Variants in SYTL4 observed in about 807,000 individuals in gnomAD.
SYTL4 encodes synaptotagmin like 4.
A neutral mutation model predicts 52.7 loss-of-function variants in SYTL4; 16 were observed. The ratio of observed to expected loss-of-function variants is 0.30; its 90% confidence interval spans 0.21 to 0.46. The LOEUF (loss-of-function observed/expected upper bound fraction) is 0.46. Ranked by LOEUF, SYTL4 falls within the 20% of genes least tolerant of loss-of-function variation. SYTL4 has a pLI of 1.00. For synonymous variants in SYTL4, 160 were observed against 186.6 expected (o/e 0.86, Z 1.16); for missense variants, 423 against 519.9 (o/e 0.81, Z 1.81).
chrX:100,675,119 G>A lies in SYTL4; in HGVS notation c.*909C>T, dbSNP rs778994011. ...AGACGCAAACACTAAGACAGATGTG[G>A]TACATGAGGATGAATATATCTCATC... On this transcript the variant is annotated 3_prime_UTR_variant, in exon 20 of 20. Transcript: ENST00000372989. The A allele has an allele frequency of 3.6e-5, 4 of 112,201 alleles. No individual in the cohort carries two copies. The East Asian group carries it at 1.1e-3, about 31-fold the overall frequency. 9.2% of individuals were successfully genotyped at this position (112,201 alleles called of 1,213,427 possible).
intron 19 of SYTL4, among the ~76,000 whole-genome samples, chrX:100,677,313 A>G (rs2083295103): frequency 8.9e-6 from 1 of 111,920 alleles, no homozygotes; most frequent in South Asian, 3.8e-4. Flanking sequence ...AGAGTGATAC[A>G]AGACGGATCA....
At position 100,675,937 on chromosome X, in the gene SYTL4, T is replaced by G; in HGVS notation, c.*91A>C. On this transcript the variant is annotated 3_prime_UTR_variant, in exon 20 of 20. Coordinates refer to ENST00000372989, the MANE Select transcript of SYTL4 (RefSeq NM_001370165.1). ...ACACACACATACACACATACACACA[T>G]ACACATTAAATTATAAATCTTTGCT... The G allele has an allele frequency of 3.4e-6, 3 of 874,094 alleles. No homozygotes were observed. The highest frequency in any genetic ancestry group is 4.7e-6 in the Non-Finnish European group (3 of 634,201). The allele number at this position is 874,094 out of a possible 1,213,427, so 72.0% of individuals were successfully genotyped here.
At chrX:100,728,511 A>G (rs2084568382) in intron 2 of SYTL4, among the ~76,000 whole-genome samples, 2 of 111,612 alleles carry the variant, frequency 1.8e-5, no homozygotes, top group South Asian at 3.8e-4. Context: ...ACTTGAAACC[A>G]GAAGCCTAAT....
intron 2 of SYTL4, among the ~76,000 whole-genome samples, chrX:100,730,092 A>T (rs2084610079): frequency 9.0e-6 from 1 of 110,812 alleles, no homozygotes; most frequent in Admixed American, 9.6e-5. Context: ...CAGGAGAGGA[A>T]GAAGTTGAGT....
chrX:100,700,231 A>G (rs2083819263), intron 8 of SYTL4, among the ~76,000 whole-genome samples: 1 of 111,968 alleles, frequency 8.9e-6, no homozygotes, highest in South Asian at 3.7e-4. Context: ...TGTGAATTAT[A>G]TATATCTCAA....
chrX:100,722,662 C>CTAAATAAA (rs57321237), intron 2 of SYTL4, among the ~76,000 whole-genome samples: 1,728 of 109,818 alleles, frequency 0.016, 18 homozygotes, highest in African/African-American at 0.027. Flanking sequence ...CAAGTCCTTC[C>CTAAATAAA]TAAATAAATA....
chrX:100,676,540 A>G (rs1422764300), intron 19 of SYTL4, among the ~76,000 whole-genome samples: 1 of 111,975 alleles, frequency 8.9e-6, no homozygotes, highest in East Asian at 2.8e-4. Context: ...GCTGGAGTGC[A>G]GTGGCACAAT....
At chrX:100,715,344 G>A (rs888582881) in intron 2 of SYTL4, among the ~76,000 whole-genome samples, 4 of 111,816 alleles carry the variant, frequency 3.6e-5, no homozygotes, top group Non-Finnish European at 3.8e-5. Context: ...TATAATATAT[G>A]ACCAATACAG....
At chrX:100,678,123 T>C (rs2083311530) in intron 19 of SYTL4, among the ~76,000 whole-genome samples, 1 of 110,687 alleles carries the variant, frequency 9.0e-6, no homozygotes, top group Admixed American at 9.6e-5. Flanking sequence ...TACATATAGG[T>C]AGGTTTGTAG....
intron 8 of SYTL4, among the ~76,000 whole-genome samples, chrX:100,698,910 A>C (rs942166507): frequency 8.9e-6 from 1 of 112,431 alleles, no homozygotes; most frequent in East Asian, 2.8e-4. Context: ...CAAAGGAAAA[A>C]TAATTTGAGT....
At chrX:100,677,694 T>C (rs2083303210) in intron 19 of SYTL4, among the ~76,000 whole-genome samples, 1 of 111,262 alleles carries the variant, frequency 9.0e-6, no homozygotes, top group Admixed American at 9.6e-5. Flanking sequence ...AAGTTCAGCG[T>C]TTCAAGCGAA....
intron 18 of SYTL4, 27 bp from the exon 19 acceptor site, chrX:100,678,626 A>C (rs1029854710): frequency 1.7e-5 from 20 of 1,145,539 alleles, no homozygotes; most frequent in Non-Finnish European, 2.2e-5. Context: ...AGTAATCAAC[A>C]GCCTACTCAA....
At chrX:100,686,948 C>T (rs766477288) in intron 14 of SYTL4, 119 bp downstream of exon 14, 11 of 920,332 alleles carry the variant, frequency 1.2e-5, no homozygotes, top group Admixed American at 3.0e-5. Flanking sequence ...TGGTTCTTTT[C>T]CTACATTACA....
rs199992119 is a variant in SYTL4 at position 100,689,880 on chromosome X, G to A, written c.888C>T (p.Ser296=). 3.9e-5 allele frequency: 47 copies of A among 1,204,124 alleles called. No individual in the cohort carries two copies. Among genetic ancestry groups the A allele is most frequent in the Non-Finnish European group, 4.8e-5 (43 of 890,816 alleles). Residue 296 remains serine, a synonymous_variant, in exon 12 of 20, where the codon TCC becomes TCT. Transcript: ENST00000372989. The part of the protein sequence containing the change: ...ESGSLGDRSK[S]VPGLNVDMEE... ...CCATATCCACATTGAGGCCTGGGACGGATTTGCTTCTGTCTCCCAAGGAGC... is the reference window on the plus strand; with the variant it reads ...CCATATCCACATTGAGGCCTGGGACAGATTTGCTTCTGTCTCCCAAGGAGC...
intron 2 of SYTL4, among the ~76,000 whole-genome samples, chrX:100,717,789 G>T (rs142942691): frequency 2.2e-3 from 249 of 111,974 alleles, no homozygotes; most frequent in Non-Finnish European, 3.4e-3. Flanking sequence ...GCATATTAAA[G>T]ACATTACACG....
chrX:100,686,941 TTCTTTTCC>T, intron 14 of SYTL4, 118 bp downstream of exon 14: 1 of 909,202 alleles, frequency 1.1e-6, no homozygotes. Context: ...CCAATCCTGG[TTCTTTTCC>T]TACATTACAC....
chrX:100,677,647 A>C (rs2083302237), intron 19 of SYTL4, among the ~76,000 whole-genome samples: 1 of 112,138 alleles, frequency 8.9e-6, no homozygotes, highest in Non-Finnish European at 1.9e-5. Flanking sequence ...AGGGGTGAGC[A>C]GTGACTTAAA....
At position 100,690,195 on chromosome X, in the gene SYTL4, A is replaced by G. The variant is rs185692952; in HGVS notation, c.718-30T>C. On this transcript the variant is annotated intron_variant, in intron 10 of 19. Transcript: ENST00000372989. ...GAAGGAACAAGGGCAAGAAAATGGAAAAGAACAGATGGATAGGTAGAAGGA... is the reference window on the plus strand; with the variant it reads ...GAAGGAACAAGGGCAAGAAAATGGAGAAGAACAGATGGATAGGTAGAAGGA... 1,680 of 1,068,860 alleles carry G rather than the reference A, an allele frequency of 1.6e-3. 2 individuals carry two copies. The highest frequency in any genetic ancestry group is 1.3e-3 in the Non-Finnish European group (1,018 of 768,228). The allele number at this position is 1,068,860 out of a possible 1,213,427, so 88.1% of individuals were successfully genotyped here. A position where few individuals can be genotyped will look rare whatever the true frequency, so the allele number is the denominator to read the frequency against.
In SYTL4 at chrX:100,690,141, C is replaced by T; in HGVS notation, c.742G>A (p.Val248Met). The T allele has an allele frequency of 8.3e-7, 1 of 1,209,911 alleles. No individual in the cohort carries two copies. Among genetic ancestry groups the T allele is most frequent in the African/African-American group, 1.7e-5 (1 of 57,676 alleles). Residue 248 changes from valine (V) to methionine (M), a missense_variant, in exon 11 of 20, where the codon GTG becomes ATG. By Grantham distance (21) the Val-to-Met change is conservative. Transcript: ENST00000372989. ...EKETQPGGQNVVFVDEGEMIF... is the reference protein window; with the variant it reads ...EKETQPGGQNMVFVDEGEMIF... ...ATCTCACCCTCATCCACAAATACCA[C>T]ATTTTGACCTCCAGGCTGAGTTTCC...
Sources: allele counts gnomAD v4.1 joint callset (sites outside exome capture counted in the v4.1 genomes callset), GRCh38; gene constraint gnomAD v4.1.1; transcripts MANE v1.5; gene names NCBI Gene and HGNC (gene_info 2026-07-23, HGNC 2026-07-21).